NEMF: variants seen among roughly 807,000 people sequenced by gnomAD.
The protein encoded by NEMF is ribosome quality control complex subunit NEMF.
Under a neutral mutation model 162.2 loss-of-function variants are expected in NEMF, and 89 were observed. The observed-to-expected ratio is 0.55, with a 90% confidence interval of 0.46 to 0.65. NEMF has a LOEUF of 0.65. NEMF is among the 30% of genes least tolerant of loss of function. The probability of loss-of-function intolerance (pLI) is 0.00; values close to 1 mark genes in which losing one functional copy is unlikely to be tolerated. For synonymous variants in NEMF, 421 were observed against 404.5 expected (o/e 1.04, Z -0.49); for missense variants, 1,133 against 1,261.9 (o/e 0.90, Z 1.55).
In NEMF at chr14:49,784,030, G is replaced by A. The variant is rs1459759917; in HGVS notation, c.*606C>T. The A allele has an allele frequency of 1.3e-5, 2 of 151,806 alleles. No individual in the cohort carries two copies. The highest frequency in any genetic ancestry group is 2.9e-5 in the Non-Finnish European group (2 of 67,936). 9.4% of individuals were successfully genotyped at this position (151,806 alleles called of 1,614,324 possible). On this transcript the variant is annotated 3_prime_UTR_variant, in exon 33 of 33. Coordinates refer to ENST00000298310, the MANE Select transcript of NEMF (RefSeq NM_004713.6). ...GTTTAAGCAATCAAGCCACTTCACT[G>A]TTCAGTTTCTTTACATCATGAAATG...
chr14:49,833,525 G>T, intron 7 of NEMF, 29 bp from the exon 8 acceptor site: 1 of 1,469,046 alleles, frequency 6.8e-7, no homozygotes, highest in Non-Finnish European at 9.4e-7. Flanking sequence ...AAGGAAAAAA[G>T]GAGTGCCAAT....
intron 30 of NEMF, 40 bp from the exon 31 acceptor site, chr14:49,785,175 C>CA: frequency 6.2e-7 from 1 of 1,601,730 alleles, no homozygotes; most frequent in Non-Finnish European, 8.6e-7. Context: ...ATAGACGTTA[C>CA]AAAACAATTC....
chr14:49,832,139 T>TA lies in NEMF; in HGVS notation c.807-14_807-13insT. On this transcript the variant is annotated splice_polypyrimidine_tract_variant and intron_variant, in intron 9 of 32. Transcript: ENST00000298310. ...AAATTCCTCATACCTGTAAAACATA[T>TA]TTATTATATCACATTCGAGAACATT... 6.3e-7 allele frequency: 1 copy of TA among 1,599,850 alleles called. No homozygotes were observed. The highest frequency in any genetic ancestry group is 8.5e-7 in the Non-Finnish European group (1 of 1,172,600).
intron 16 of NEMF, among the ~76,000 whole-genome samples, chr14:49,817,552 A>T (rs1369863162): frequency 6.6e-6 from 1 of 152,224 alleles, no homozygotes; most frequent in Admixed American, 6.5e-5. Context: ...AGTTAGAAGG[A>T]CATTTCATTA....
At position 49,798,808 on chromosome 14, in the gene NEMF, G is replaced by A. The variant is rs534998777; in HGVS notation, c.2465+667C>T. ...TCTAGTCCCAGCTACTCGGGAGGCT[G>A]AGGCAGGAGAACGGCGTGAACCCGG... is the stretch of plus-strand genomic sequence containing the variant. On this transcript the variant is annotated intron_variant, in intron 25 of 32. Coordinates refer to ENST00000298310, the MANE Select transcript of NEMF (RefSeq NM_004713.6). Among the ~76,000 whole-genome samples the A allele has an allele frequency of 1.1e-4, 17 of 152,272 alleles. No homozygotes were observed. The South Asian group carries it at 2.5e-3, about 22-fold the overall frequency.
At chr14:49,836,543 G>T (rs1892913205) in intron 6 of NEMF, among the ~76,000 whole-genome samples, 1 of 151,882 alleles carries the variant, frequency 6.6e-6, no homozygotes, top group Non-Finnish European at 1.5e-5. Context: ...GCTACTTGTG[G>T]GGCTGAGGCA....
At chr14:49,801,109 G>T in intron 22 of NEMF, 1 of 177,326 alleles carries the variant, frequency 5.6e-6, no homozygotes, top group Non-Finnish European at 1.2e-5. Flanking sequence ...AAGGAACACT[G>T]TCTAATAGTA....
At chr14:49,840,661 T>C (rs1893155176) in intron 5 of NEMF, 57 bp downstream of exon 5, 3 of 1,473,084 alleles carry the variant, frequency 2.0e-6, no homozygotes, top group Admixed American at 2.1e-5. Context: ...GGTCTCATTA[T>C]GTTGCCCAGT....
chr14:49,831,288 A>C lies in NEMF; in HGVS notation c.945+11T>G, dbSNP rs768311407. 1.4e-6 allele frequency: 2 copies of C among 1,480,020 alleles called. No homozygotes were observed. Among genetic ancestry groups the C allele is most frequent in the South Asian group, 2.3e-5 (2 of 87,436 alleles). The allele number at this position is 1,480,020 out of a possible 1,614,324, so 91.7% of individuals were successfully genotyped here. ...CTAGCTGGTTTAATATGTGTTTTTA[A>C]TAATACATACCTGTTGTAAAGCTTT... On this transcript the variant is annotated intron_variant, in intron 11 of 32. Coordinates refer to ENST00000298310, the MANE Select transcript of NEMF (RefSeq NM_004713.6).
Position 49,783,683 on chromosome 14 carries a change from T to TTAAC in NEMF, c.*952_*953insGTTA, listed in dbSNP as rs1288404960. The TTAAC allele has an allele frequency of 3.9e-5, 6 of 152,260 alleles. No individual in the cohort carries two copies. The highest frequency in any genetic ancestry group is 6.5e-5 in the Admixed American group (1 of 15,280). The allele number at this position is 152,260 out of a possible 1,614,324, so 9.4% of individuals were successfully genotyped here. A position where few individuals can be genotyped will look rare whatever the true frequency, so the allele number is the denominator to read the frequency against. On this transcript the variant is annotated 3_prime_UTR_variant, in exon 33 of 33. Transcript: ENST00000298310. ...CTTCTGGTATTATAGGTTAAGATAC[T>TTAAC]CTAACGTGCTATATTGGTAATTAAT...
In NEMF at chr14:49,829,277, C is replaced by G. The variant is rs1442991324; in HGVS notation, c.1024-15G>C. 1 of 1,613,320 alleles carries G rather than the reference C, an allele frequency of 6.2e-7. No homozygotes were observed. The highest frequency in any genetic ancestry group is 2.2e-5 in the East Asian group (1 of 44,888). ...TTGTCTATTTCCTTAAAAAACAAACCACACACATTTACTACATTGCCAGTT... is the reference window on the plus strand; with the variant it reads ...TTGTCTATTTCCTTAAAAAACAAACGACACACATTTACTACATTGCCAGTT... On this transcript the variant is annotated splice_polypyrimidine_tract_variant and intron_variant, in intron 12 of 32. Coordinates refer to ENST00000298310, the MANE Select transcript of NEMF (RefSeq NM_004713.6).
At position 49,783,678 on chromosome 14, in the gene NEMF, GA is replaced by G. The variant is rs1161056115; in HGVS notation, c.*957del. 6 of 151,894 alleles carry G rather than the reference GA, an allele frequency of 4.0e-5. No homozygotes were observed. Among genetic ancestry groups the G allele is most frequent in the Admixed American group, 6.6e-5 (1 of 15,254 alleles). 9.4% of individuals were successfully genotyped at this position (151,894 alleles called of 1,614,324 possible). A position where few individuals can be genotyped will look rare whatever the true frequency, so the allele number is the denominator to read the frequency against. ...ATGCGCTTCTGGTATTATAGGTTAA[GA>G]TACTCTAACGTGCTATATTGGTAAT... On this transcript the variant is annotated 3_prime_UTR_variant, in exon 33 of 33. Transcript: ENST00000298310.
intron 23 of NEMF, 132 bp from the exon 24 acceptor site, chr14:49,799,810 A>G: frequency 1.4e-6 from 1 of 711,144 alleles, no homozygotes; most frequent in South Asian, 1.9e-5. Flanking sequence ...TGAAGTGAGA[A>G]AAACATACAA....
At chr14:49,807,082 A>C (rs1319127736) in intron 18 of NEMF, among the ~76,000 whole-genome samples, 6 of 152,058 alleles carry the variant, frequency 3.9e-5, no homozygotes, top group African/African-American at 1.2e-4. Flanking sequence ...TTACTAATCT[A>C]TTTTCTGTCT....
intron 8 of NEMF, among the ~76,000 whole-genome samples, 166 bp downstream of exon 8, chr14:49,833,257 C>CT (rs1427258410): frequency 6.6e-6 from 1 of 152,076 alleles, no homozygotes; most frequent in Non-Finnish European, 1.5e-5. Flanking sequence ...CAGAGCAAGA[C>CT]TGTCTCAAAA....
chr14:49,830,344 TTAAC>T (rs1892575701), intron 11 of NEMF, among the ~76,000 whole-genome samples: 1 of 152,186 alleles, frequency 6.6e-6, no homozygotes, highest in Non-Finnish European at 1.5e-5. Context: ...TGTGCTATGA[TTAAC>T]TAATTTTTAA....
At chr14:49,844,048 G>A (rs888049571) in intron 4 of NEMF, among the ~76,000 whole-genome samples, 1 of 150,954 alleles carries the variant, frequency 6.6e-6, no homozygotes, top group Non-Finnish European at 1.5e-5. Flanking sequence ...GCAGTGAGCT[G>A]AGATCACACC....
intron 18 of NEMF, among the ~76,000 whole-genome samples, chr14:49,810,139 C>A (rs539025785): frequency 6.6e-6 from 1 of 151,736 alleles, no homozygotes; most frequent in African/African-American, 2.4e-5. Context: ...GAGGCTGAGG[C>A]GGGCGGATCA....
At chr14:49,795,360 G>T (rs1190468047) in intron 26 of NEMF, among the ~76,000 whole-genome samples, 1 of 151,168 alleles carries the variant, frequency 6.6e-6, no homozygotes, top group Non-Finnish European at 1.5e-5. Flanking sequence ...AGCGGGGTTG[G>T]GGGGTGGGGA....
Sources: allele counts gnomAD v4.1 joint callset (sites outside exome capture counted in the v4.1 genomes callset), GRCh38; gene constraint gnomAD v4.1.1; transcripts MANE v1.5; gene names NCBI Gene and HGNC (gene_info 2026-07-23, HGNC 2026-07-21).